Variants in GLIS1 observed in about 807,000 individuals in gnomAD.
GLIS1 encodes the protein zinc finger protein GLIS1.
In GLIS1, 24 loss-of-function variants were observed where a neutral mutation model predicts 63.8. That is an observed-to-expected ratio of 0.38 (90% confidence interval 0.27 to 0.53). The LOEUF is 0.53. Among genes scored for constraint, GLIS1 ranks in the 20% least tolerant of loss-of-function variants. The probability of loss-of-function intolerance (pLI) is 0.85; values close to 1 mark genes in which losing one functional copy is unlikely to be tolerated. For missense variants in GLIS1, 1,036 were observed against 1,074.1 expected, an observed-to-expected ratio of 0.96 and a Z score of 0.50; for synonymous variants, 450 against 482.5, an observed-to-expected ratio of 0.93 and a Z score of 0.88.
In GLIS1 at chr1:53,511,450, C is replaced by T. The variant is rs1644297160; in HGVS notation, c.1884-1423G>A. On this transcript the variant is annotated intron_variant, in intron 8 of 10. Transcript: ENST00000628545. The surrounding 1 kb of genome is among the most constrained non-coding windows in gnomAD (Gnocchi z 4.2). ...TCTGCTCCCTCCAACGTTGGCAGCCCCTCCACTGCCCCTCCAGTCTGCTGT... is the reference window on the plus strand; with the variant it reads ...TCTGCTCCCTCCAACGTTGGCAGCCTCTCCACTGCCCCTCCAGTCTGCTGT... Among the ~76,000 whole-genome samples, 1 of 152,162 alleles carries T rather than the reference C, an allele frequency of 6.6e-6. No individual in the cohort carries two copies. The highest frequency in any genetic ancestry group is 1.5e-5 in the Non-Finnish European group (1 of 68,024).
At chr1:53,613,421 T>G (rs1645446579) in intron 2 of GLIS1, among the ~76,000 whole-genome samples, 1 of 152,184 alleles carries the variant, frequency 6.6e-6, no homozygotes, top group Non-Finnish European at 1.5e-5. Context: ...TCAAAGAATA[T>G]GCAAAATTTT....
chr1:53,519,293 T>C (rs1390098582), intron 7 of GLIS1, among the ~76,000 whole-genome samples: 1 of 152,182 alleles, frequency 6.6e-6, no homozygotes, highest in African/African-American at 2.4e-5. Flanking sequence ...CTCGCCCTTG[T>C]GGACCTGCCT....
intron 2 of GLIS1, among the ~76,000 whole-genome samples, chr1:53,693,616 A>C (rs1646431602): frequency 1.3e-5 from 2 of 152,132 alleles, no homozygotes; most frequent in Non-Finnish European, 2.9e-5. Context: ...GCATGAGCTC[A>C]GTGGGGAGGA....
chr1:53,594,013 G>C, intron 4 of GLIS1, 95 bp downstream of exon 4: 1 of 1,385,882 alleles, frequency 7.2e-7, no homozygotes, highest in Non-Finnish European at 9.7e-7. Flanking sequence ...CCAGCCCAGA[G>C]GACGGAGTCC....
chr1:53,629,395 A>G (rs1487682986), intron 2 of GLIS1, among the ~76,000 whole-genome samples: 1 of 152,124 alleles, frequency 6.6e-6, no homozygotes, highest in African/African-American at 2.4e-5. Context: ...AGATGGCCCC[A>G]GCTGTTCCTA....
At chr1:53,711,534 C>T (rs1015507649) in intron 2 of GLIS1, among the ~76,000 whole-genome samples, 1 of 152,256 alleles carries the variant, frequency 6.6e-6, no homozygotes, top group Admixed American at 6.5e-5. Flanking sequence ...GGGGAGAGCA[C>T]AGCAGGGAGC....
At chr1:53,724,104 C>T (rs1646782986) in intron 2 of GLIS1, among the ~76,000 whole-genome samples, 1 of 152,186 alleles carries the variant, frequency 6.6e-6, no homozygotes, top group South Asian at 2.1e-4. Flanking sequence ...ATGTGTATCT[C>T]CAACAGGAGG....
intron 8 of GLIS1, among the ~76,000 whole-genome samples, chr1:53,513,922 C>A (rs575849285): frequency 6.6e-6 from 1 of 152,200 alleles, no homozygotes; most frequent in Non-Finnish European, 1.5e-5. Context: ...GCCAGGCCTG[C>A]GGGGACAAGG....
intron 8 of GLIS1, among the ~76,000 whole-genome samples, chr1:53,510,615 C>T (rs570220255): frequency 6.6e-6 from 1 of 152,304 alleles, no homozygotes; most frequent in South Asian, 2.1e-4. Flanking sequence ...TACTCCCAGC[C>T]ACACAACATC....
In GLIS1 at chr1:53,548,913, G is replaced by C. The variant is rs142026144; in HGVS notation, c.1321-18961C>G. On this transcript the variant is annotated intron_variant, in intron 4 of 10. Transcript: ENST00000628545. The stretch of plus-strand genomic sequence containing the variant: ...TTTTATCACTCCCGAAAGAAACCTT[G>C]TATCTACTAGCAGACAGCACTCCCT... Among the ~76,000 whole-genome samples, 1,206 of 152,280 alleles carry C rather than the reference G, an allele frequency of 7.9e-3. 6 individuals are homozygous for C. The highest frequency in any genetic ancestry group is 0.014 in the Middle Eastern group (4 of 294).
At chr1:53,634,723 C>G (rs903850371) in intron 2 of GLIS1, among the ~76,000 whole-genome samples, 1 of 152,188 alleles carries the variant, frequency 6.6e-6, no homozygotes, top group Non-Finnish European at 1.5e-5. Flanking sequence ...TTGAAGGCAG[C>G]TTCCACAGTA....
chr1:53,509,152 T>C lies in GLIS1; in HGVS notation c.2198A>G (p.Tyr733Cys). 6.3e-7 allele frequency: 1 copy of C among 1,594,516 alleles called. No homozygotes were observed. Among genetic ancestry groups the C allele is most frequent in the Non-Finnish European group, 8.5e-7 (1 of 1,170,168 alleles). ...HGFNPLRPNG[Y>C]HSLSTPLPAT... ...AGGCAAGGGCGTGCTGAGGCTGTGG[T>C]AGCCATTGGGCCGCAGGGGGTTGAA... Residue 733 changes from tyrosine to cysteine, a missense_variant, in exon 10 of 11, where the codon TAC (tyrosine) becomes TGC (cysteine). By Grantham distance (194) the Tyr-to-Cys change is radical. Around this residue, in one of 3 missense-constraint regions of GLIS1, gnomAD observed 400 missense variants for 400.9 expected, o/e 1.00. Transcript: ENST00000628545.
intron 2 of GLIS1, among the ~76,000 whole-genome samples, chr1:53,688,276 C>A (rs1490323828): frequency 6.6e-6 from 1 of 152,246 alleles, no homozygotes; most frequent in Non-Finnish European, 1.5e-5. Context: ...GGGGATAAAT[C>A]CGTCTGAGTC....
At chr1:53,570,797 C>T (rs545671471) in intron 4 of GLIS1, among the ~76,000 whole-genome samples, 17 of 152,198 alleles carry the variant, frequency 1.1e-4, no homozygotes, top group Non-Finnish European at 2.4e-4. Flanking sequence ...ATTCCTACCT[C>T]ATACCATATA....
intron 2 of GLIS1, among the ~76,000 whole-genome samples, chr1:53,651,193 A>C (rs759679040): frequency 2.0e-5 from 3 of 152,334 alleles, no homozygotes; most frequent in East Asian, 1.9e-4. Flanking sequence ...TCATGTGCAC[A>C]TTGTTTGTGG....
rs527661287 is a variant in GLIS1 at position 53,721,515 on chromosome 1, T to A, written c.259+16291A>T. ...ATGCCAAAAAAAAAAATGACTGAGT[T>A]GAAGGCAGGGCTGTTGTGCTACCCA... On this transcript the variant is annotated intron_variant, in intron 2 of 10. Transcript: ENST00000628545. Among the ~76,000 whole-genome samples, 11 of 150,490 alleles carry A rather than the reference T, an allele frequency of 7.3e-5. No individual in the cohort carries two copies. In the South Asian group the frequency reaches 2.1e-3, roughly 29 times the overall value.
chr1:53,731,238 C>A (rs1646857094), intron 2 of GLIS1, among the ~76,000 whole-genome samples: 1 of 152,200 alleles, frequency 6.6e-6, no homozygotes, highest in African/African-American at 2.4e-5. Flanking sequence ...TTTTCCAGAC[C>A]CCAGATTCCT....
intron 2 of GLIS1, among the ~76,000 whole-genome samples, chr1:53,681,908 CG>C (rs76239391): frequency 0.05 from 7,556 of 152,118 alleles, 470 homozygotes; most frequent in East Asian, 0.3. Flanking sequence ...TTCCTGCTCT[CG>C]GGGGCCTTCT....
chr1:53,516,828 C>A (rs1382563305), intron 7 of GLIS1, among the ~76,000 whole-genome samples: 1 of 151,614 alleles, frequency 6.6e-6, no homozygotes, highest in Non-Finnish European at 1.5e-5. Context: ...AAACAAAAAA[C>A]AAAGCACCAC....
Sources: allele counts gnomAD v4.1 joint callset (sites outside exome capture counted in the v4.1 genomes callset), GRCh38; gene constraint gnomAD v4.1.1; regional missense constraint gnomAD v4.1.1; non-coding constraint Gnocchi (gnomAD v3.1); transcripts MANE v1.5; gene names NCBI Gene and HGNC (gene_info 2026-07-23, HGNC 2026-07-21).